SEMA4D: variants seen among roughly 807,000 people sequenced by gnomAD.
SEMA4D encodes the protein semaphorin 4D, also known as semaphorin-4D.
A neutral mutation model predicts 74.8 loss-of-function variants in SEMA4D; 22 were observed. The ratio of observed to expected loss-of-function variants is 0.29; its 90% CI spans 0.21 to 0.42. The LOEUF is 0.42. SEMA4D is among the 10% of genes least tolerant of loss of function. The pLI is 1.00. For synonymous variants in SEMA4D, 445 were observed against 463.7 expected, an observed-to-expected ratio of 0.96 and a Z score of 0.52; for missense variants, 937 against 1,118.4, an observed-to-expected ratio of 0.84 and a Z score of 2.31.
intron 2 of SEMA4D, among the ~76,000 whole-genome samples, chr9:89,413,920 C>CTGTG (rs1845111415): frequency 1.3e-5 from 2 of 152,214 alleles, no homozygotes; most frequent in Admixed American, 6.5e-5. Context: ...ATATGTGCAT[C>CTGTG]TGTGCATGTG....
At position 89,378,148 on chromosome 9, in the gene SEMA4D, CT is replaced by C. The variant is rs111473084; in HGVS notation, c.*555del. ...AAATCTGGAAGATATACATCTTCTTCTAAATATTAACACAACTGCTTCTGTA... is the reference window on the plus strand; with the variant it reads ...AAATCTGGAAGATATACATCTTCTTCAAATATTAACACAACTGCTTCTGTA... On this transcript the variant is annotated 3_prime_UTR_variant, in exon 16 of 16. Transcript: ENST00000422704. 0.041 allele frequency: 6,222 copies of C among 152,726 alleles called. 176 individuals are homozygous for C. The highest frequency in any genetic ancestry group is 0.096 in the South Asian group (465 of 4,838). The allele number at this position is 152,726 out of a possible 1,614,324, so 9.5% of individuals were successfully genotyped here.
downstream of SEMA4D, among the ~76,000 whole-genome samples, chr9:89,372,385 G>A (rs1348226486): frequency 7.2e-6 from 1 of 138,094 alleles, no homozygotes; most frequent in Non-Finnish European, 1.6e-5. Context: ...TCTGGGGTGT[G>A]GTGTGTCGGG....
intron 2 of SEMA4D, chr9:89,450,659 G>GAAAAACAAAAAAAAAAAAAAA (rs1564832883): frequency 2.6e-6 from 1 of 384,212 alleles, no homozygotes; most frequent in African/African-American, 3.1e-5. Context: ...GAAAAACCCA[G>GAAAAACAAAAAAAAAAAAAAA]GAAAAAAAAA....
At chr9:89,401,038 C>T (rs770182108) in intron 4 of SEMA4D, among the ~76,000 whole-genome samples, 1 of 152,180 alleles carries the variant, frequency 6.6e-6, no homozygotes, top group Non-Finnish European at 1.5e-5. Flanking sequence ...GCTCAGAGTG[C>T]CTCACAGTGC....
intron 13 of SEMA4D, among the ~76,000 whole-genome samples, chr9:89,384,079 G>A (rs2132875130): frequency 6.6e-6 from 1 of 152,308 alleles, no homozygotes; most frequent in Admixed American, 6.5e-5. Flanking sequence ...AAGGAGTCCT[G>A]GTGAAAATAC....
intron 2 of SEMA4D, among the ~76,000 whole-genome samples, chr9:89,430,248 C>T (rs965745990): frequency 7.2e-5 from 11 of 152,160 alleles, no homozygotes; most frequent in African/African-American, 2.7e-4. Flanking sequence ...GCCAGAAACT[C>T]CAAGCATCTG....
At chr9:89,437,255 C>T (rs1283554141) in intron 2 of SEMA4D, among the ~76,000 whole-genome samples, 3 of 152,176 alleles carry the variant, frequency 2.0e-5, no homozygotes, top group Non-Finnish European at 2.9e-5. Flanking sequence ...AAGTGTGGCT[C>T]GTGCAGCTCT....
Position 89,483,032 on chromosome 9 carries a change from G to A in SEMA4D, c.-310+14887C>T, listed in dbSNP as rs188284447. Among the ~76,000 whole-genome samples the A allele has an allele frequency of 3.5e-4, 54 of 152,318 alleles. 1 individual carries two copies. The highest frequency in any genetic ancestry group is 3.3e-3 in the East Asian group (17 of 5,188). On this transcript the variant is annotated intron_variant, in intron 1 of 15. Transcript: ENST00000422704. ...AAGGCTTGATTCCAGGTCCTGCAGC[G>A]ACTGGTGTCTATTTTAAAAATCGCC...
At chr9:89,361,735 A>C (rs1208200255) in exon 19 of SEMA4D, 1 of 152,508 alleles carries the variant, frequency 6.6e-6, no homozygotes, top group African/African-American at 2.4e-5. Context: ...GCGCTTGATA[A>C]AATAGAGCCC....
chr9:89,438,955 G>A (rs1331071608), intron 2 of SEMA4D, among the ~76,000 whole-genome samples: 2 of 110,432 alleles, frequency 1.8e-5, no homozygotes. Context: ...GTGAGCCACC[G>A]CACCGGGCCT....
At chr9:89,421,491 A>G (rs1846942363) in intron 2 of SEMA4D, among the ~76,000 whole-genome samples, 1 of 152,210 alleles carries the variant, frequency 6.6e-6, no homozygotes, top group Admixed American at 6.5e-5. Context: ...CTCTACCAAG[A>G]ATTCAGTATG....
chr9:89,412,287 A>G (rs1448220484), intron 2 of SEMA4D, among the ~76,000 whole-genome samples: 1 of 152,186 alleles, frequency 6.6e-6, no homozygotes, highest in Non-Finnish European at 1.5e-5. Context: ...ATTGAAAACA[A>G]ATCTTGTAAT....
chr9:89,466,158 G>A (rs796984830), intron 1 of SEMA4D, among the ~76,000 whole-genome samples: 10 of 152,266 alleles, frequency 6.6e-5, no homozygotes, highest in African/African-American at 2.4e-4. Flanking sequence ...GGCTTCCGTA[G>A]CACAGTGCCG....
chr9:89,379,520 A>T lies in SEMA4D; in HGVS notation c.1773T>A (p.Asn591Lys), dbSNP rs777701170. 3.1e-6 allele frequency: 5 copies of T among 1,614,178 alleles called. No homozygotes were observed. Among genetic ancestry groups the T allele is most frequent in the Non-Finnish European group, 4.2e-6 (5 of 1,180,032 alleles). The change falls in exon 16 of 16, where the codon AAT (asparagine) becomes AAA (lysine). Residue 591 changes from asparagine (N) to lysine (K), a missense_variant. Transcript: ENST00000422704. ...TGGGGCTCTCGGCCTTCAACACGCC[A>T]TTCTGGAACTTCCAAAAGACCCGGG... ...NLARVFWKFQ[N>K]GVLKAESPKY...
chr9:89,423,203 TA>T (rs1233362944), intron 2 of SEMA4D, among the ~76,000 whole-genome samples: 17 of 137,052 alleles, frequency 1.2e-4, no homozygotes, highest in Middle Eastern at 7.8e-3. Flanking sequence ...TTTTTTTTTT[TA>T]AATTGAGATG....
In SEMA4D at chr9:89,484,299, G is replaced by A. The variant is rs1824969683; in HGVS notation, c.-310+13620C>T. 6.6e-6 allele frequency among the ~76,000 whole-genome samples: 1 copy of A among 152,248 alleles called. No homozygotes were observed. Among genetic ancestry groups the A allele is most frequent in the African/African-American group, 2.4e-5 (1 of 41,462 alleles). ...GAACAAGGCACGCATGACCAGTCTA[G>A]GAAAAGTGTGCAAAGCTCTCAAGAC... On this transcript the variant is annotated intron_variant, in intron 1 of 15. Transcript: ENST00000422704. This position sits in a 1 kb window ranked among gnomAD's most constrained non-coding sequence, Gnocchi z 4.1.
rs899294568 is a variant in SEMA4D, at chr9:89,492,513, C to T, written c.-310+5406G>A. On this transcript the variant is annotated intron_variant, in intron 1 of 15. Transcript: ENST00000422704. This position sits in a 1 kb window ranked among gnomAD's most constrained non-coding sequence, Gnocchi z 4.3. The stretch of plus-strand genomic sequence containing the variant: ...ACTCCAGATCCCTTCCTCCAACTTC[C>T]TCCTCCCCACCTCCACTGGGACACT... 1.3e-5 allele frequency among the ~76,000 whole-genome samples: 2 copies of T among 152,150 alleles called. No individual in the cohort carries two copies. Among genetic ancestry groups the T allele is most frequent in the Non-Finnish European group, 2.9e-5 (2 of 68,026 alleles).
intron 1 of SEMA4D, among the ~76,000 whole-genome samples, chr9:89,494,120 T>C (rs1196821413): frequency 6.6e-6 from 1 of 152,194 alleles, no homozygotes; most frequent in Non-Finnish European, 1.5e-5. Context: ...TGTAGAAACA[T>C]GAACTTCCAC....
At chr9:89,376,648 TAC>T (rs1007540729), downstream of SEMA4D, 16 of 853,514 alleles carry the variant, frequency 1.9e-5, no homozygotes, top group African/African-American at 2.6e-4. Flanking sequence ...TCACACTGTC[TAC>T]AGTTTCCCTC....
Sources: gnomAD v4.1 joint callset for allele counts (sites outside exome capture counted in the v4.1 genomes callset) on GRCh38, gnomAD v4.1.1 for gene constraint, Gnocchi (gnomAD v3.1) non-coding constraint, MANE v1.5 for transcripts, NCBI Gene and HGNC (gene_info 2026-07-23, HGNC 2026-07-21) for gene names.